Variants in MANEA observed in about 807,000 individuals in gnomAD.
MANEA encodes mannosidase endo-alpha, also known as glycoprotein endo-alpha-1,2-mannosidase.
MANEA carries 25 observed loss-of-function variants against 36.8 expected under a neutral mutation model. The ratio of observed to expected loss-of-function variants is 0.68; its 90% CI spans 0.50 to 0.95. The LOEUF (loss-of-function observed/expected upper bound fraction) is 0.95. Ranked by LOEUF, MANEA falls within the 40% of genes least tolerant of loss-of-function variation. MANEA has a pLI of 0.00. For missense variants in MANEA, 565 were observed against 558.8 expected, an observed-to-expected ratio of 1.01 and a Z score of -0.11; for synonymous variants, 198 against 188.5, an observed-to-expected ratio of 1.05 and a Z score of -0.41.
At position 95,608,140 on chromosome 6, in the gene MANEA, C is replaced by G. The variant is rs1562202823; in HGVS notation, c.*1735C>G. 1 of 151,774 alleles carries G rather than the reference C, an allele frequency of 6.6e-6. No homozygotes were observed. 9.4% of individuals were successfully genotyped at this position (151,774 alleles called of 1,614,324 possible). A position where few individuals can be genotyped will look rare whatever the true frequency, so the allele number is the denominator to read the frequency against. On this transcript the variant is annotated 3_prime_UTR_variant, in exon 5 of 5. Transcript: ENST00000358812. ...ACTGATATTTTGATACAAGCAAGCA[C>G]TTACATGGTAATCACTATATAGATC...
At chr6:95,598,047 T>C (rs1769512875) in intron 3 of MANEA, among the ~76,000 whole-genome samples, 1 of 35,278 alleles carries the variant, frequency 2.8e-5, no homozygotes, top group Non-Finnish European at 5.8e-5. Context: ...CTAAAATTAA[T>C]TTTTTTTGGT....
intron 2 of MANEA, among the ~76,000 whole-genome samples, chr6:95,594,824 T>C (rs973010012): frequency 1.8e-4 from 28 of 152,084 alleles, no homozygotes; most frequent in Admixed American, 1.8e-3. Context: ...CTTTTGAGAG[T>C]TGGTTTACTT....
At chr6:95,603,051 A>T (rs988467423) in intron 3 of MANEA, among the ~76,000 whole-genome samples, 2 of 150,502 alleles carry the variant, frequency 1.3e-5, no homozygotes, top group Non-Finnish European at 3.0e-5. Flanking sequence ...AAAAAAAAAA[A>T]ATTGCAAAGT....
intron 3 of MANEA, among the ~76,000 whole-genome samples, chr6:95,602,636 CTGT>C (rs1769614528): frequency 6.6e-6 from 1 of 152,118 alleles, no homozygotes; most frequent in Middle Eastern, 3.2e-3. Context: ...GTATAGAATT[CTGT>C]TATTTTAAAA....
Position 95,581,956 on chromosome 6 carries a change from C to T in MANEA, c.-39+4318C>T, listed in dbSNP as rs150025256. ...GTCTCATCCAGACATAACTATTTTA[C>T]ATGTTTAAGTATATTTCCTTCTATG... On this transcript the variant is annotated intron_variant, in intron 1 of 4. Coordinates refer to ENST00000358812, the MANE Select transcript of MANEA (RefSeq NM_024641.4). 9.8e-3 allele frequency among the ~76,000 whole-genome samples: 1,484 copies of T among 152,060 alleles called. 10 individuals are homozygous for T. Among genetic ancestry groups the T allele is most frequent in the Non-Finnish European group, 0.015 (1,003 of 67,980 alleles).
chr6:95,603,052 A>AC (rs539732085), intron 3 of MANEA, among the ~76,000 whole-genome samples: 1,745 of 139,320 alleles, frequency 0.013, 84 homozygotes, highest in East Asian at 0.062. Flanking sequence ...AAAAAAAAAA[A>AC]TTGCAAAGTA....
chr6:95,606,644 C>G lies in MANEA; in HGVS notation c.*239C>G, dbSNP rs1048547565. ...CCTTATGGCATAATTTATTGCATTT[C>G]TGACTGAAATCAAAATTCTGATTTG... On this transcript the variant is annotated 3_prime_UTR_variant, in exon 5 of 5. Transcript: ENST00000358812. 1.8e-5 allele frequency: 4 copies of G among 226,212 alleles called. No individual in the cohort carries two copies. The highest frequency in any genetic ancestry group is 9.1e-5 in the African/African-American group (4 of 43,876). The allele number at this position is 226,212 out of a possible 1,614,324, so 14.0% of individuals were successfully genotyped here.
intron 2 of MANEA, among the ~76,000 whole-genome samples, chr6:95,590,844 T>C (rs771665834): frequency 2.0e-5 from 3 of 152,192 alleles, no homozygotes; most frequent in Non-Finnish European, 4.4e-5. Context: ...TAGTTTGCTA[T>C]TGTCGTAATT....
intron 1 of MANEA, among the ~76,000 whole-genome samples, chr6:95,581,656 A>G (rs1209748575): frequency 2.0e-5 from 3 of 152,238 alleles, no homozygotes; most frequent in Non-Finnish European, 2.9e-5. Context: ...TGATTTACCC[A>G]GGATCACACA....
chr6:95,583,548 ATTTAC>A (rs148173691), intron 1 of MANEA, among the ~76,000 whole-genome samples: 2,367 of 152,202 alleles, frequency 0.016, 49 homozygotes, highest in African/African-American at 0.054. Context: ...CACACACCAT[ATTTAC>A]TTAAAGTTTG....
At chr6:95,603,026 C>CAAAAAAAAAAAA (rs67486139) in intron 3 of MANEA, among the ~76,000 whole-genome samples, 1 of 63,432 alleles carries the variant, frequency 1.6e-5, no homozygotes, top group Non-Finnish European at 2.8e-5. Context: ...GACTCCGTCT[C>CAAAAAAAAAAAA]AAAAAAAAAA....
At chr6:95,605,388 C>T (rs1241018286) in intron 4 of MANEA, among the ~76,000 whole-genome samples, 1 of 151,900 alleles carries the variant, frequency 6.6e-6, no homozygotes, top group Non-Finnish European at 1.5e-5. Flanking sequence ...CATAGTCTTA[C>T]AAAGAAACTT....
intron 1 of MANEA, among the ~76,000 whole-genome samples, chr6:95,583,639 A>C (rs972321002): frequency 6.6e-6 from 1 of 152,136 alleles, no homozygotes; most frequent in Non-Finnish European, 1.5e-5. Flanking sequence ...AGAAGAGGTG[A>C]AATGGTAAAC....
chr6:95,577,950 C>T (rs1024006563), intron 1 of MANEA, among the ~76,000 whole-genome samples: 1 of 152,238 alleles, frequency 6.6e-6, no homozygotes, highest in African/African-American at 2.4e-5. Context: ...AACGGTACCT[C>T]CTGTCGCCTC....
Position 95,586,596 on chromosome 6 carries a change from A to C in MANEA, c.157A>C (p.Ile53Leu). ...DLLPELHQRTIHLGKNFDFQK... is the reference protein window; with the variant it reads ...DLLPELHQRTLHLGKNFDFQK... ...TCTTCCAGAACTTCATCAACGAACT[A>C]TTCATTTGGGGAAAAATTTTGATTT... Residue 53 changes from isoleucine to leucine, a missense_variant, in exon 2 of 5, where the codon ATT becomes CTT. Physicochemically the swap from Ile to Leu is conservative, Grantham distance 5. Coordinates refer to ENST00000358812, the MANE Select transcript of MANEA (RefSeq NM_024641.4). 6.2e-7 allele frequency: 1 copy of C among 1,614,066 alleles called. No individual in the cohort carries two copies. The highest frequency in any genetic ancestry group is 1.7e-5 in the Admixed American group (1 of 60,014).
Position 95,586,850 on chromosome 6 carries a change from G to T in MANEA, c.411G>T (p.Lys137Asn), listed in dbSNP as rs754063258. ...AGCATTGGGACCCTAGAATAGCCAA[G>T]AATTATCCACAAGGGAGACACAACC... is the stretch of plus-strand genomic sequence containing the variant. The part of the protein sequence containing the change: ...VLEHWDPRIA[K>N]NYPQGRHNPP... The change falls in exon 2 of 5, where the codon AAG (lysine) becomes AAT (asparagine). Residue 137 changes from lysine to asparagine, a missense_variant. By Grantham distance (94) the Lys-to-Asn change is moderately conservative. Coordinates refer to ENST00000358812, the MANE Select transcript of MANEA (RefSeq NM_024641.4). 1 of 1,613,880 alleles carries T rather than the reference G, an allele frequency of 6.2e-7. No individual in the cohort carries two copies. Among genetic ancestry groups the T allele is most frequent in the South Asian group, 1.1e-5 (1 of 91,072 alleles).
At chr6:95,581,379 A>C (rs1008612474) in intron 1 of MANEA, among the ~76,000 whole-genome samples, 3 of 152,212 alleles carry the variant, frequency 2.0e-5, no homozygotes, top group African/African-American at 7.2e-5. Context: ...TCAGCTTAAG[A>C]AATTACATTC....
rs976356501 is a variant in MANEA at position 95,580,968 on chromosome 6, C to A, written c.-39+3330C>A. On this transcript the variant is annotated intron_variant, in intron 1 of 4. Coordinates refer to ENST00000358812, the MANE Select transcript of MANEA (RefSeq NM_024641.4). ...ACCCATCTTTAATCATCATCATAAA[C>A]AATTGCTCATTTATTTAGTCTTATA... is the stretch of plus-strand genomic sequence containing the variant. Among the ~76,000 whole-genome samples, 7 of 152,178 alleles carry A rather than the reference C, an allele frequency of 4.6e-5. No homozygotes were observed. In the East Asian group the frequency reaches 1.2e-3, roughly 25 times the overall value.
intron 3 of MANEA, among the ~76,000 whole-genome samples, chr6:95,601,259 G>A (rs1463819430): frequency 1.3e-5 from 2 of 152,136 alleles, no homozygotes; most frequent in Non-Finnish European, 2.9e-5. Context: ...TAAGAACACA[G>A]CAACGGAACA....
Sources: gnomAD v4.1 joint callset for allele counts (sites outside exome capture counted in the v4.1 genomes callset) on GRCh38, gnomAD v4.1.1 for gene constraint, MANE v1.5 for transcripts, NCBI Gene and HGNC (gene_info 2026-07-23, HGNC 2026-07-21) for gene names.